NFIB: variants seen among roughly 807,000 people sequenced by gnomAD.
NFIB encodes the protein nuclear factor I B, also known as nuclear factor 1 B-type.
Under a neutral mutation model 61.5 loss-of-function variants are expected in NFIB, and 11 were observed. The ratio of observed to expected loss-of-function variants is 0.18; its 90% CI spans 0.11 to 0.30. The LOEUF (loss-of-function observed/expected upper bound fraction) is 0.30. NFIB is among the 10% of genes least tolerant of loss of function. The probability of loss-of-function intolerance (pLI) is 1.00; values close to 1 mark genes in which losing one functional copy is unlikely to be tolerated. For synonymous variants in NFIB, 260 were observed against 216.5 expected, an observed-to-expected ratio of 1.20 and a Z score of -1.76; for missense variants, 471 against 608.9, an observed-to-expected ratio of 0.77 and a Z score of 2.38.
At chr9:14,332,330 C>CAAA (rs5896627) in intron 1 of NFIB, among the ~76,000 whole-genome samples, 71 of 107,664 alleles carry the variant, frequency 6.6e-4, no homozygotes, top group African/African-American at 1.4e-3. Flanking sequence ...GAGACTCCGT[C>CAAA]AAAAAAAAAA....
the NFIB span, among the ~76,000 whole-genome samples, chr9:14,422,569 A>G: frequency 6.6e-6 from 1 of 152,236 alleles, no homozygotes; most frequent in Non-Finnish European, 1.5e-5. Context: ...CTTAAAGGCC[A>G]ACACACTTAT....
chr9:14,382,382 G>A (rs925798308), intron 1 of NFIB, among the ~76,000 whole-genome samples: 1 of 151,962 alleles, frequency 6.6e-6, no homozygotes, highest in Non-Finnish European at 1.5e-5. Flanking sequence ...GAGGGAGATA[G>A]GAGTCTGTCC....
rs1404730550 is a variant in NFIB at position 14,313,496 on chromosome 9, T to C, written c.16A>G (p.Ile6Val). 6.2e-7 allele frequency: 1 copy of C among 1,613,278 alleles called. No homozygotes were observed. The highest frequency in any genetic ancestry group is 1.7e-5 in the Admixed American group (1 of 59,964). Reference sequence around the variant, plus strand: ...GAGACATGTACCTGAGTGAGACAGATGGGAGAATACATCATGACTTCGCCT... The same window carrying C: ...GAGACATGTACCTGAGTGAGACAGACGGGAGAATACATCATGACTTCGCCT... Reference protein sequence around the residue: MMYSPICLTQDEFHPF... With the variant: MMYSPVCLTQDEFHPF... The change falls in exon 1 of 11, where the codon ATC becomes GTC. Residue 6 changes from isoleucine to valine, a missense_variant. Physicochemically the swap from Ile to Val is conservative, Grantham distance 29. This residue lies in a region of NFIB where 99 missense variants were observed against 213.3 expected (regional missense o/e 0.46). Coordinates refer to ENST00000380953, the MANE Select transcript of NFIB (RefSeq NM_001190737.2). The surrounding 1 kb of genome is among the most constrained non-coding windows in gnomAD (Gnocchi z 4.5).
chr9:14,273,178 G>A (rs1051944919), intron 2 of NFIB, among the ~76,000 whole-genome samples: 3 of 152,026 alleles, frequency 2.0e-5, no homozygotes, highest in Non-Finnish European at 4.4e-5. Flanking sequence ...GCAAATCAAG[G>A]CACTCTTTTT....
At chr9:14,284,433 G>C (rs993692229) in intron 2 of NFIB, among the ~76,000 whole-genome samples, 1 of 152,134 alleles carries the variant, frequency 6.6e-6, no homozygotes, top group African/African-American at 2.4e-5. Flanking sequence ...TGAATGTAAT[G>C]TATAGGAATA....
chr9:14,207,146 AT>A (rs1241843405), intron 2 of NFIB, among the ~76,000 whole-genome samples: 1 of 152,154 alleles, frequency 6.6e-6, no homozygotes, highest in Non-Finnish European at 1.5e-5. Context: ...TATTATTCCC[AT>A]TTTCAGATGA....
chr9:14,158,370 C>A (rs991432993), intron 3 of NFIB, among the ~76,000 whole-genome samples: 2 of 152,192 alleles, frequency 1.3e-5, no homozygotes, highest in African/African-American at 2.4e-5. Flanking sequence ...CTTCTACCAC[C>A]CACTGGCCCA....
the NFIB span, among the ~76,000 whole-genome samples, chr9:14,420,689 A>G: frequency 6.6e-6 from 1 of 152,098 alleles, no homozygotes; most frequent in Non-Finnish European, 1.5e-5. Flanking sequence ...GGGCCCAGAA[A>G]ACCCGCAAAG....
chr9:14,308,080 T>C (rs555923476), intron 1 of NFIB: 1 of 152,384 alleles, frequency 6.6e-6, no homozygotes, highest in East Asian at 1.9e-4. Flanking sequence ...TTTTGGAGCA[T>C]GCTCTCAGCA....
At chr9:14,243,214 T>C (rs561336912) in intron 2 of NFIB, among the ~76,000 whole-genome samples, 1 of 152,322 alleles carries the variant, frequency 6.6e-6, no homozygotes, top group Non-Finnish European at 1.5e-5. Context: ...AATCACTTAA[T>C]GAAAATTCCC....
At chr9:14,350,643 A>G (rs533786801) in intron 1 of NFIB, among the ~76,000 whole-genome samples, 4 of 152,288 alleles carry the variant, frequency 2.6e-5, no homozygotes, top group Admixed American at 2.0e-4. Context: ...GAGATGTATA[A>G]TATCAGGCGC....
intron 1 of NFIB, among the ~76,000 whole-genome samples, chr9:14,322,783 G>A (rs2060694340): frequency 6.6e-6 from 1 of 151,706 alleles, no homozygotes; most frequent in South Asian, 2.1e-4. Flanking sequence ...CCTCTCGAGC[G>A]TGGGTGGGTG....
chr9:14,187,005 C>CTGTG (rs762584581), intron 2 of NFIB, among the ~76,000 whole-genome samples: 16 of 64,142 alleles, frequency 2.5e-4, no homozygotes, highest in East Asian at 5.7e-4. Flanking sequence ...TTCTTCGCTC[C>CTGTG]TGTGTGTGTG....
chr9:14,125,287 AGCTGGGATTACAG>A (rs2039488396), intron 7 of NFIB, among the ~76,000 whole-genome samples: 1 of 152,104 alleles, frequency 6.6e-6, no homozygotes, highest in Non-Finnish European at 1.5e-5. Flanking sequence ...CCTCCTGAGT[AGCTGGGATTACAG>A]GCTCATGCCA....
At chr9:14,435,128 C>T in the NFIB span, among the ~76,000 whole-genome samples, 3 of 152,324 alleles carry the variant, frequency 2.0e-5, no homozygotes, top group South Asian at 6.2e-4. Context: ...AGTTCCTGCT[C>T]CTGAGCCATG....
chr9:14,172,024 C>T (rs879309122), intron 3 of NFIB, among the ~76,000 whole-genome samples: 8 of 151,972 alleles, frequency 5.3e-5, no homozygotes, highest in Admixed American at 3.9e-4. Context: ...TTCAGAGGCA[C>T]GGGCAAAGTT....
At chr9:14,346,295 C>CCCA (rs1048939787) in intron 1 of NFIB, among the ~76,000 whole-genome samples, 3 of 141,360 alleles carry the variant, frequency 2.1e-5, no homozygotes, top group African/African-American at 7.4e-5. Flanking sequence ...CCGACACCCC[C>CCCA]CCCCCGTAAC....
At chr9:14,218,121 T>C (rs917152996) in intron 2 of NFIB, among the ~76,000 whole-genome samples, 1 of 152,122 alleles carries the variant, frequency 6.6e-6, no homozygotes, top group East Asian at 1.9e-4. Flanking sequence ...GGAATAAGAA[T>C]AATGAGCTGA....
chr9:14,173,650 T>C (rs991068481), intron 3 of NFIB, among the ~76,000 whole-genome samples: 1 of 152,200 alleles, frequency 6.6e-6, no homozygotes, highest in Non-Finnish European at 1.5e-5. Flanking sequence ...TGGTATAAAA[T>C]GGTGTGTATT....
Sources: allele counts gnomAD v4.1 joint callset (sites outside exome capture counted in the v4.1 genomes callset), GRCh38; gene constraint gnomAD v4.1.1; regional missense constraint gnomAD v4.1.1; non-coding constraint Gnocchi (gnomAD v3.1); transcripts MANE v1.5; gene names NCBI Gene and HGNC (gene_info 2026-07-23, HGNC 2026-07-21).